Variants in ALDOA observed in about 807,000 individuals in gnomAD.
ALDOA encodes aldolase, fructose-bisphosphate A.
In ALDOA, 26 loss-of-function variants were observed where a neutral mutation model predicts 43.9. That is an observed-to-expected ratio of 0.59 (90% CI 0.43 to 0.82). The LOEUF is 0.82. ALDOA is among the 40% of genes least tolerant of loss of function. ALDOA has a pLI of 0.00. For synonymous variants in ALDOA, 258 were observed against 222.6 expected, an observed-to-expected ratio of 1.16 and a Z score of -1.42; for missense variants, 498 against 549.5, an observed-to-expected ratio of 0.91 and a Z score of 0.94.
upstream of ALDOA, among the ~76,000 whole-genome samples, chr16:30,065,371 C>T (rs1380098359): frequency 3.9e-5 from 6 of 152,136 alleles, no homozygotes; most frequent in African/African-American, 1.4e-4. Context: ...CCCCGGGCCG[C>T]GCGCGCTGGG....
chr16:30,066,752 G>C (rs748488818), intron 1 of ALDOA, 133 bp from the exon 2 acceptor site: 1 of 970,432 alleles, frequency 1.0e-6, no homozygotes, highest in Non-Finnish European at 1.5e-6. Flanking sequence ...CTCAGATCTG[G>C]CTCCGGGGTT....
At chr16:30,065,391 C>T (rs2072062801), upstream of ALDOA, among the ~76,000 whole-genome samples, 1 of 152,148 alleles carries the variant, frequency 6.6e-6, no homozygotes. Context: ...GCCTGGGAGG[C>T]GAAACTCAGC....
Position 30,070,341 on chromosome 16 carries a change from G to A in ALDOA, c.*129G>A, listed in dbSNP as rs1168240132. On this transcript the variant is annotated 3_prime_UTR_variant, in exon 10 of 10. Transcript: ENST00000642816. ...CTTTCTTCCCTCGTGACAGTGGTGT[G>A]TGGTGTCGTCTGTGAATGCTAAGTC... 1 of 835,446 alleles carries A rather than the reference G, an allele frequency of 1.2e-6. No homozygotes were observed. The highest frequency in any genetic ancestry group is 2.0e-6 in the Non-Finnish European group (1 of 500,564). The allele number at this position is 835,446 out of a possible 1,614,324, so 51.8% of individuals were successfully genotyped here. A position where few individuals can be genotyped will look rare whatever the true frequency, so the allele number is the denominator to read the frequency against.
chr16:30,069,737 A>G, intron 8 of ALDOA, 64 bp downstream of exon 8: 10 of 1,611,518 alleles, frequency 6.2e-6, no homozygotes, highest in Non-Finnish European at 8.5e-6. Context: ...CCCTATGCCC[A>G]TTTGGACGGA....
intron 9 of ALDOA, 42 bp downstream of exon 9, chr16:30,070,071 G>T: frequency 6.2e-7 from 1 of 1,613,596 alleles, no homozygotes; most frequent in Non-Finnish European, 8.5e-7. Flanking sequence ...TGGGTGGATG[G>T]GACTCGGAGA....
rs773916193 is a variant in ALDOA, at chr16:30,067,275, A to C, written c.183A>C (p.Ala61=). Residue 61 remains alanine (A), a synonymous_variant, in exon 3 of 10, where the codon GCA becomes GCC. Coordinates refer to ENST00000642816, the MANE Select transcript of ALDOA (RefSeq NM_001243177.4). The part of the protein sequence containing the change: ...TTSTMPYQYP[A]LTPEQKKELS... The stretch of plus-strand genomic sequence containing the variant: ...GCACCATGCCCTACCAATATCCAGC[A>C]CTGACCCCGGAGCAGAAGAAGGAGC... 3.1e-6 allele frequency: 5 copies of C among 1,612,426 alleles called. No individual in the cohort carries two copies. Among genetic ancestry groups the C allele is most frequent in the Non-Finnish European group, 4.2e-6 (5 of 1,180,004 alleles).
chr16:30,068,790 G>A (rs750132032), intron 5 of ALDOA, 28 bp from the exon 6 acceptor site: 42 of 1,614,076 alleles, frequency 2.6e-5, no homozygotes, highest in Middle Eastern at 1.6e-4. Flanking sequence ...CCTCCCCACC[G>A]TGCTCTGACC....
In ALDOA at chr16:30,066,922, T is replaced by C. The variant is rs1353653593; in HGVS notation, c.25T>C (p.Ser9Pro). Residue 9 changes from serine (S) to proline (P), a missense_variant, in exon 2 of 10, where the codon TCC (serine) becomes CCC (proline). Ser to Pro is a moderately conservative substitution (Grantham distance 74). Transcript: ENST00000642816. Reference protein sequence around the residue: MARRKPEGSSFNMTHLSMA... With the variant: MARRKPEGPSFNMTHLSMA... ...CATGGCAAGGCGCAAGCCAGAAGGG[T>C]CCAGCTTCAACATGACCCACCTGTC... 2 of 1,550,642 alleles carry C rather than the reference T, an allele frequency of 1.3e-6. No individual in the cohort carries two copies. Among genetic ancestry groups the C allele is most frequent in the Non-Finnish European group, 1.7e-6 (2 of 1,147,068 alleles).
At chr16:30,066,674 C>A (rs1303361783) in intron 1 of ALDOA, among the ~76,000 whole-genome samples, 2 of 152,200 alleles carry the variant, frequency 1.3e-5, no homozygotes, top group Non-Finnish European at 2.9e-5. Context: ...GGAGCCCGGG[C>A]CAGCCCTGGG....
At chr16:30,066,561 G>C (rs1026390074) in intron 1 of ALDOA, among the ~76,000 whole-genome samples, 1 of 152,180 alleles carries the variant, frequency 6.6e-6, no homozygotes. Context: ...GCCCTTTCCT[G>C]GGCTTCTCCT....
chr16:30,069,976 G>A lies in ALDOA; in HGVS notation c.1108G>A (p.Gly370Arg), dbSNP rs1457665297. The change falls in exon 9 of 10, where the codon GGG becomes AGG. Residue 370 changes from glycine to arginine, a missense_variant. By Grantham distance (125) the Gly-to-Arg change is moderately radical. Transcript: ENST00000642816. The stretch of plus-strand genomic sequence containing the variant: ...GGCCTCTGCCCTGAAGGCCTGGGGC[G>A]GGAAGAAGGAGAACCTGAAGGCTGC... ...LQASALKAWGGKKENLKAAQE... is the reference protein window; with the variant it reads ...LQASALKAWGRKKENLKAAQE... 8.7e-6 allele frequency: 14 copies of A among 1,613,896 alleles called. No individual in the cohort carries two copies. Among genetic ancestry groups the A allele is most frequent in the South Asian group, 2.2e-5 (2 of 91,084 alleles).
chr16:30,066,475 C>T (rs2072108722), intron 1 of ALDOA, among the ~76,000 whole-genome samples: 1 of 152,272 alleles, frequency 6.6e-6, no homozygotes, highest in Non-Finnish European at 1.5e-5. Flanking sequence ...TGCTCCTCCA[C>T]GTTCTTGCCC....
In ALDOA at chr16:30,070,222, T is replaced by C; in HGVS notation, c.*10T>C. 6.2e-7 allele frequency: 1 copy of C among 1,613,912 alleles called. No individual in the cohort carries two copies. Among genetic ancestry groups the C allele is most frequent in the Non-Finnish European group, 8.5e-7 (1 of 1,179,910 alleles). ...TAACCACGCCTATTAAGCGGAGGTG[T>C]TCCCAGGCTGCCCCCAACACTCCAG... On this transcript the variant is annotated 3_prime_UTR_variant, in exon 10 of 10. Transcript: ENST00000642816.
rs565013143 is a variant in ALDOA, at chr16:30,069,864, G to C, written c.996G>C (p.Glu332Asp). 205 of 1,614,160 alleles carry C rather than the reference G, an allele frequency of 1.3e-4. 2 individuals are homozygous for C. The South Asian group carries it at 2.1e-3, about 17-fold the overall frequency. Residue 332 changes from glutamate (E) to aspartate (D), a missense_variant, in exon 9 of 10, where the codon GAG (glutamate) becomes GAC (aspartate). Physicochemically the swap from Glu to Asp is conservative, Grantham distance 45 (BLOSUM62 2). Coordinates refer to ENST00000642816, the MANE Select transcript of ALDOA (RefSeq NM_001243177.4). ...ITFLSGGQSEEEASINLNAIN... is the reference protein window; with the variant it reads ...ITFLSGGQSEDEASINLNAIN... ...TCCTGTCTGGAGGCCAGAGTGAGGA[G>C]GAGGCGTCCATCAACCTCAATGCCA...
upstream of ALDOA, chr16:30,064,798 A>C: frequency 6.8e-6 from 1 of 147,652 alleles, no homozygotes; most frequent in Non-Finnish European, 1.5e-5. Context: ...GGCCCCTTGC[A>C]GGACCGGGCC....
chr16:30,069,801 G>C, intron 8 of ALDOA, 29 bp from the exon 9 acceptor site: 2 of 1,613,794 alleles, frequency 1.2e-6, no homozygotes, highest in Admixed American at 3.3e-5. Flanking sequence ...TCTGACCACA[G>C]CCCCTCTCGC....
chr16:30,068,344 G>T, intron 4 of ALDOA: 3 of 397,098 alleles, frequency 7.6e-6, no homozygotes, highest in South Asian at 6.2e-5. Context: ...GATTACAGGC[G>T]TGAGCCACCA....
intron 1 of ALDOA, among the ~76,000 whole-genome samples, 197 bp from the exon 2 acceptor site, chr16:30,066,688 T>C (rs1393059222): frequency 6.6e-6 from 1 of 152,178 alleles, no homozygotes; most frequent in Non-Finnish European, 1.5e-5. Context: ...CCCTGGGATC[T>C]TGAGGGGATT....
chr16:30,066,294 G>C (rs2072101415), intron 1 of ALDOA: 1 of 152,516 alleles, frequency 6.6e-6, no homozygotes, highest in Non-Finnish European at 1.5e-5. Flanking sequence ...GTGGGAGCTT[G>C]GTTTCTGTCC....
Sources: gnomAD v4.1 joint callset for allele counts (sites outside exome capture counted in the v4.1 genomes callset) on GRCh38, gnomAD v4.1.1 for gene constraint, MANE v1.5 for transcripts, NCBI Gene and HGNC (gene_info 2026-07-23, HGNC 2026-07-21) for gene names.